SOCS1: variants seen among roughly 807,000 people sequenced by gnomAD.
The protein encoded by SOCS1 is JAK binding protein.
Under a neutral mutation model 9.7 loss-of-function variants are expected in SOCS1, and 3 were observed. That is an observed-to-expected ratio of 0.31 (90% confidence interval 0.14 to 0.80). The LOEUF (loss-of-function observed/expected upper bound fraction) is 0.80, where lower values mean the gene tolerates loss of function less well. Among genes scored for constraint, SOCS1 ranks in the 30% least tolerant of loss-of-function variants. The probability of loss-of-function intolerance (pLI) is 0.61; values close to 1 mark genes in which losing one functional copy is unlikely to be tolerated. For synonymous variants in SOCS1, 194 were observed against 150.2 expected, an observed-to-expected ratio of 1.29 and a Z score of -2.13; for missense variants, 368 against 324.7, an observed-to-expected ratio of 1.13 and a Z score of -1.02.
Position 11,254,746 on chromosome 16 carries a change from A to G in SOCS1, c.*97T>C, listed in dbSNP as rs1307040512. 24 of 1,372,200 alleles carry G rather than the reference A, an allele frequency of 1.7e-5. No individual in the cohort carries two copies. Among genetic ancestry groups the G allele is most frequent in the East Asian group, 3.0e-5 (1 of 33,674 alleles). 85.0% of individuals were successfully genotyped at this position (1,372,200 alleles called of 1,614,324 possible). On this transcript the variant is annotated 3_prime_UTR_variant, in exon 2 of 2. Transcript: ENST00000332029. ...CCCCTACACCCATCCGCTCCCTCCAACCCAGGCCGGGGAGGGTACCCACAT... is the reference window on the plus strand; with the variant it reads ...CCCCTACACCCATCCGCTCCCTCCAGCCCAGGCCGGGGAGGGTACCCACAT...
intron 1 of SOCS1, 94 bp from the exon 2 acceptor site, chr16:11,255,622 C>CGGCGCT: frequency 2.3e-6 from 1 of 434,832 alleles, no homozygotes; most frequent in Non-Finnish European, 3.8e-6. Context: ...TCCCGGCGGA[C>CGGCGCT]CCGGCCCTAG....
intron 1 of SOCS1, 36 bp from the exon 2 acceptor site, chr16:11,255,564 CGG>C: frequency 1.2e-6 from 1 of 865,018 alleles, no homozygotes; most frequent in Non-Finnish European, 1.5e-6. Context: ...TGGGGCGCTG[CGG>C]GGCCGGGCAG....
Position 11,255,008 on chromosome 16 carries a change from C to G in SOCS1, c.471G>C (p.Ala157=), listed in dbSNP as rs891537228. 6.3e-7 allele frequency: 1 copy of G among 1,578,020 alleles called. No individual in the cohort carries two copies. The highest frequency in any genetic ancestry group is 1.4e-5 in the African/African-American group (1 of 71,064). ...GCGGGGCCCCCAGCATGCGGCGCGG[C>G]GCCGCCACGTAGTGCTCCAGCAGCT... is the stretch of plus-strand genomic sequence containing the variant. ...LFELLEHYVA[A]PRRMLGAPLR... The change falls in exon 2 of 2, where the codon GCG becomes GCC. Residue 157 remains alanine, a synonymous_variant. Coordinates refer to ENST00000332029, the MANE Select transcript of SOCS1 (RefSeq NM_003745.2).
Position 11,254,622 on chromosome 16 carries a change from CA to C in SOCS1, c.*220del. 2.0e-6 allele frequency: 1 copy of C among 502,322 alleles called. No individual in the cohort carries two copies. The allele number at this position is 502,322 out of a possible 1,614,324, so 31.1% of individuals were successfully genotyped here. On this transcript the variant is annotated 3_prime_UTR_variant, in exon 2 of 2. Transcript: ENST00000332029. The stretch of plus-strand genomic sequence containing the variant: ...GATACAGTTAAGCTGCTACAACAAC[CA>C]GGGGGACCCAGAGGGAGCACCAGGA...
At position 11,255,005 on chromosome 16, in the gene SOCS1, C is replaced by T. The variant is rs1362638569; in HGVS notation, c.474G>A (p.Pro158=). Reference sequence around the variant, plus strand: ...GCAGCGGGGCCCCCAGCATGCGGCGCGGCGCCGCCACGTAGTGCTCCAGCA... The same window carrying T: ...GCAGCGGGGCCCCCAGCATGCGGCGTGGCGCCGCCACGTAGTGCTCCAGCA... The part of the protein sequence containing the change: ...FELLEHYVAA[P]RRMLGAPLRQ... The change falls in exon 2 of 2, where the codon CCG becomes CCA. Residue 158 remains proline, a synonymous_variant. Transcript: ENST00000332029. 1.9e-6 allele frequency: 3 copies of T among 1,575,622 alleles called. No individual in the cohort carries two copies. Among genetic ancestry groups the T allele is most frequent in the East Asian group, 2.5e-5 (1 of 40,476 alleles).
rs1470354818 is a variant in SOCS1, at chr16:11,255,024, T to C, written c.455A>G (p.Glu152Gly). 6.2e-7 allele frequency: 1 copy of C among 1,601,964 alleles called. No homozygotes were observed. Among genetic ancestry groups the C allele is most frequent in the Admixed American group, 1.7e-5 (1 of 59,398 alleles). ...GCGGCGCGGCGCCGCCACGTAGTGC[T>C]CCAGCAGCTCGAAGAGGCAGTCGAA... is the stretch of plus-strand genomic sequence containing the variant. Reference protein sequence around the residue: ...ESFDCLFELLEHYVAAPRRML... With the variant: ...ESFDCLFELLGHYVAAPRRML... The change falls in exon 2 of 2, where the codon GAG (glutamate) becomes GGG (glycine). Residue 152 changes from glutamate (E) to glycine (G), a missense_variant. Coordinates refer to ENST00000332029, the MANE Select transcript of SOCS1 (RefSeq NM_003745.2).
intron 1 of SOCS1, chr16:11,255,809 C>T (rs1013394970): frequency 8.8e-6 from 2 of 227,514 alleles, no homozygotes; most frequent in African/African-American, 2.3e-5. Context: ...GTTCTGGCTC[C>T]AGCCGTCCGG....
At position 11,254,498 on chromosome 16, in the gene SOCS1, T is replaced by TA. The variant is rs2069569309; in HGVS notation, c.*344dup. 1 of 275,770 alleles carries TA rather than the reference T, an allele frequency of 3.6e-6. No homozygotes were observed. The highest frequency in any genetic ancestry group is 6.8e-6 in the Non-Finnish European group (1 of 147,208). The allele number at this position is 275,770 out of a possible 1,614,324, so 17.1% of individuals were successfully genotyped here. A position where few individuals can be genotyped will look rare whatever the true frequency, so the allele number is the denominator to read the frequency against. ...AATAGGATTCTGCACAGCAGAAAAA[T>TA]AAAGCCAGAGACCCTCCCCCAACCC... On this transcript the variant is annotated 3_prime_UTR_variant, in exon 2 of 2. Coordinates refer to ENST00000332029, the MANE Select transcript of SOCS1 (RefSeq NM_003745.2).
Position 11,255,251 on chromosome 16 carries a change from G to A in SOCS1, c.228C>T (p.Ala76=). The stretch of plus-strand genomic sequence containing the variant: ...TCAGGGGCCCCCAGTAGAATCCGCA[G>A]GCGTCCAGGAGCGCGCTGGCGCGCG... The part of the protein sequence containing the change: ...RITRASALLD[A]CGFYWGPLSV... Residue 76 remains alanine (A), a synonymous_variant, in exon 2 of 2, where the codon GCC becomes GCT. Transcript: ENST00000332029. The A allele has an allele frequency of 1.3e-6, 2 of 1,559,562 alleles. No homozygotes were observed. Among genetic ancestry groups the A allele is most frequent in the East Asian group, 2.4e-5 (1 of 41,302 alleles).
At chr16:11,255,593 C>T in intron 1 of SOCS1, 65 bp from the exon 2 acceptor site, 1 of 598,090 alleles carries the variant, frequency 1.7e-6, no homozygotes, top group East Asian at 3.5e-5. Flanking sequence ...GCCGGCCGGA[C>T]AACTCCGGAG....
chr16:11,255,779 G>C (rs539864024), intron 1 of SOCS1: 3 of 270,168 alleles, frequency 1.1e-5, no homozygotes, highest in Non-Finnish European at 2.1e-5. Flanking sequence ...GCACCGAGAG[G>C]GGGGCGTGGA....
At position 11,254,936 on chromosome 16, in the gene SOCS1, G is replaced by A. The variant is rs770969946; in HGVS notation, c.543C>T (p.Arg181=). The A allele has an allele frequency of 2.0e-6, 3 of 1,478,930 alleles. No homozygotes were observed. Among genetic ancestry groups the A allele is most frequent in the South Asian group, 1.4e-5 (1 of 71,428 alleles). 91.6% of individuals were successfully genotyped at this position (1,478,930 alleles called of 1,614,324 possible). A position where few individuals can be genotyped will look rare whatever the true frequency, so the allele number is the denominator to read the frequency against. The part of the protein sequence containing the change: ...VRPLQELCRQ[R]IVATVGRENL... ...TCTCGCGGCCCACGGTGGCCACGAT[G>A]CGCTGGCGGCACAGCTCCTGCAGCG... The change falls in exon 2 of 2, where the codon CGC becomes CGT. Residue 181 remains arginine (R), a synonymous_variant. Transcript: ENST00000332029.
chr16:11,254,676 A>AG lies in SOCS1; in HGVS notation c.*166dup. On this transcript the variant is annotated 3_prime_UTR_variant, in exon 2 of 2. Coordinates refer to ENST00000332029, the MANE Select transcript of SOCS1 (RefSeq NM_003745.2). ...GGGAGGACCCCCTCAAGAGGTGAGAAGGGGTCTGCGGCCTCGTCTCCAGCC... is the reference window on the plus strand; with the variant it reads ...GGGAGGACCCCCTCAAGAGGTGAGAAGGGGGTCTGCGGCCTCGTCTCCAGCC... The AG allele has an allele frequency of 1.1e-6, 1 of 946,622 alleles. No individual in the cohort carries two copies. The highest frequency in any genetic ancestry group is 1.4e-6 in the Non-Finnish European group (1 of 704,238). 58.6% of individuals were successfully genotyped at this position (946,622 alleles called of 1,614,324 possible).
At position 11,254,430 on chromosome 16, in the gene SOCS1, T is replaced by C. The variant is rs1231651580; in HGVS notation, c.*413A>G. ...TTATTTTTTTTTAAAAAAAAAACTT[T>C]CATAATAAAGTTTATTACCTAAACT... On this transcript the variant is annotated 3_prime_UTR_variant, in exon 2 of 2. Transcript: ENST00000332029. 4.2e-6 allele frequency: 1 copy of C among 235,324 alleles called. No individual in the cohort carries two copies. Among genetic ancestry groups the C allele is most frequent in the Admixed American group, 5.6e-5 (1 of 17,800 alleles). 14.6% of individuals were successfully genotyped at this position (235,324 alleles called of 1,614,324 possible).
At chr16:11,255,696 A>G in intron 1 of SOCS1, 168 bp from the exon 2 acceptor site, 1 of 353,752 alleles carries the variant, frequency 2.8e-6, no homozygotes, top group South Asian at 1.5e-4. Flanking sequence ...CAGCTAGAAA[A>G]TGGGCTCTGT....
chr16:11,255,700 G>A (rs2141125959), intron 1 of SOCS1, 172 bp from the exon 2 acceptor site: 1 of 369,574 alleles, frequency 2.7e-6, no homozygotes, highest in African/African-American at 2.1e-5. Flanking sequence ...TAGAAAATGG[G>A]CTCTGTACTC....
chr16:11,256,082 G>T lies in SOCS1; in HGVS notation c.-54C>A. The T allele has an allele frequency of 6.6e-6, 1 of 151,544 alleles. No individual in the cohort carries two copies. Among genetic ancestry groups the T allele is most frequent in the South Asian group, 2.0e-4 (1 of 4,890 alleles). 9.4% of individuals were successfully genotyped at this position (151,544 alleles called of 1,614,324 possible). A position where few individuals can be genotyped will look rare whatever the true frequency, so the allele number is the denominator to read the frequency against. On this transcript the variant is annotated 5_prime_UTR_variant, in exon 1 of 2. Coordinates refer to ENST00000332029, the MANE Select transcript of SOCS1 (RefSeq NM_003745.2). ...CCTCGCCCAGGGCCCGGCTCACCTG[G>T]CGGCGGGGCGCGGGACGCCGCGGGC...
In SOCS1 at chr16:11,255,116, C is replaced by T. The variant is rs770209202; in HGVS notation, c.363G>A (p.Ser121=). 33 of 1,609,648 alleles carry T rather than the reference C, an allele frequency of 2.1e-5. No individual in the cohort carries two copies. The highest frequency in any genetic ancestry group is 2.6e-5 in the Non-Finnish European group (31 of 1,179,064). The change falls in exon 2 of 2, where the codon TCG becomes TCA. Residue 121 remains serine (S), a synonymous_variant. Coordinates refer to ENST00000332029, the MANE Select transcript of SOCS1 (RefSeq NM_003745.2). ...CFFALSVKMA[S]GPTSIRVHFQ... is the part of the protein sequence containing the mutation. ...AGTGCACGCGGATGCTCGTGGGTCC[C>T]GAGGCCATCTTCACGCTAAGGGCGA...
At chr16:11,255,735 G>T (rs1036656998) in intron 1 of SOCS1, 1 of 331,716 alleles carries the variant, frequency 3.0e-6, no homozygotes, top group Non-Finnish European at 5.5e-6. Context: ...CGGCGGGTGG[G>T]GGCTCGGTGG....
Sources: allele counts gnomAD v4.1 joint callset, GRCh38; gene constraint gnomAD v4.1.1; transcripts MANE v1.5; gene names NCBI Gene and HGNC (gene_info 2026-07-23, HGNC 2026-07-21).